VWA8: variants seen among roughly 807,000 people sequenced by gnomAD.
VWA8 encodes the protein von Willebrand factor A domain-containing protein 8.
Under a neutral mutation model 241.5 loss-of-function variants are expected in VWA8, and 221 were observed. That is an observed-to-expected ratio of 0.91 (90% CI 0.82 to 1.02). VWA8 has a LOEUF of 1.02. Ranked by LOEUF, VWA8 falls within the 50% of genes least tolerant of loss-of-function variation. VWA8 has a pLI of 0.00. For synonymous variants in VWA8, 852 were observed against 827.1 expected, an observed-to-expected ratio of 1.03 and a Z score of -0.52; for missense variants, 2,322 against 2,328.7, an observed-to-expected ratio of 1.00 and a Z score of 0.06.
chr13:41,699,539 CATTAAAT>C (rs926150372), intron 28 of VWA8, among the ~76,000 whole-genome samples: 2 of 152,110 alleles, frequency 1.3e-5, no homozygotes, highest in Non-Finnish European at 1.5e-5. Context: ...GTGATAAAAC[CATTAAAT>C]ATTAAACAAT....
At chr13:41,715,133 G>A (rs761994529) in intron 26 of VWA8, among the ~76,000 whole-genome samples, 16 of 151,776 alleles carry the variant, frequency 1.1e-4, no homozygotes, top group Non-Finnish European at 2.1e-4. Context: ...TATGCCATAG[G>A]TCCGTTGGGA....
chr13:41,941,479 A>T (rs1243507699), intron 2 of VWA8, among the ~76,000 whole-genome samples: 1 of 152,226 alleles, frequency 6.6e-6, no homozygotes. Context: ...TCTGAAGGAA[A>T]CTGAAGCTTA....
At position 41,655,481 on chromosome 13, in the gene VWA8, C is replaced by G. The variant is rs1458728249; in HGVS notation, c.4611+15465G>C. ...GATATATAATATATATCCACACATA[C>G]AGAGAGACAGAGAGAGAGAGAGAGA... On this transcript the variant is annotated intron_variant, in intron 37 of 44. Coordinates refer to ENST00000379310, the MANE Select transcript of VWA8 (RefSeq NM_015058.2). 3.0e-5 allele frequency among the ~76,000 whole-genome samples: 3 copies of G among 99,850 alleles called. No homozygotes were observed. In the East Asian group the frequency reaches 8.9e-4, roughly 29 times the overall value. 65.5% of individuals were successfully genotyped at this position (99,850 alleles called of 152,430 possible).
intron 20 of VWA8, among the ~76,000 whole-genome samples, chr13:41,764,034 T>C (rs753745672): frequency 2.0e-5 from 3 of 152,182 alleles, no homozygotes; most frequent in Admixed American, 1.3e-4. Flanking sequence ...ACTTCTTTTC[T>C]AAGCTTCATT....
intron 16 of VWA8, among the ~76,000 whole-genome samples, chr13:41,814,872 C>A (rs1282328415): frequency 6.6e-6 from 1 of 152,074 alleles, no homozygotes; most frequent in African/African-American, 2.4e-5. Context: ...GAAAAAACCC[C>A]TGCAATCCTG....
chr13:41,686,131 G>A (rs1203598975), intron 34 of VWA8, among the ~76,000 whole-genome samples: 2 of 152,092 alleles, frequency 1.3e-5, no homozygotes, highest in African/African-American at 4.8e-5. Flanking sequence ...GCAGGTATCT[G>A]TTTCTGGGCA....
intron 22 of VWA8, 92 bp from the exon 23 acceptor site, chr13:41,729,769 G>A (rs2045466795): frequency 8.4e-7 from 1 of 1,185,074 alleles, no homozygotes; most frequent in Admixed American, 2.3e-5. Context: ...ATAACAGCTG[G>A]CTTTATTTAA....
chr13:41,793,322 G>T (rs1566459691), intron 17 of VWA8, among the ~76,000 whole-genome samples: 1 of 152,038 alleles, frequency 6.6e-6, no homozygotes, highest in Non-Finnish European at 1.5e-5. Context: ...CATTCTTGAG[G>T]TAATTCCAAA....
intron 42 of VWA8, among the ~76,000 whole-genome samples, chr13:41,585,719 C>T (rs1051288356): frequency 3.6e-4 from 54 of 151,922 alleles, no homozygotes; most frequent in African/African-American, 1.2e-3. Context: ...CAAAAATTAG[C>T]CAGGCGTGGT....
At chr13:41,647,133 T>C (rs925851153) in intron 37 of VWA8, among the ~76,000 whole-genome samples, 3 of 152,274 alleles carry the variant, frequency 2.0e-5, no homozygotes, top group African/African-American at 4.8e-5. Context: ...GTAAAGTACA[T>C]CTCTGTTTAT....
At chr13:41,581,975 C>G (rs2044385850) in intron 42 of VWA8, among the ~76,000 whole-genome samples, 1 of 152,174 alleles carries the variant, frequency 6.6e-6, no homozygotes, top group African/African-American at 2.4e-5. Context: ...AAAAACAGTA[C>G]TATTCTACTT....
intron 17 of VWA8, among the ~76,000 whole-genome samples, chr13:41,804,745 A>T (rs1870109887): frequency 6.6e-6 from 1 of 152,210 alleles, no homozygotes; most frequent in Non-Finnish European, 1.5e-5. Flanking sequence ...AGATATAAGC[A>T]GTAACAACAA....
At chr13:41,778,939 T>C (rs1868757747) in intron 19 of VWA8, among the ~76,000 whole-genome samples, 2 of 145,700 alleles carry the variant, frequency 1.4e-5, no homozygotes, top group South Asian at 4.3e-4. Flanking sequence ...CCTCCTGGGT[T>C]AACGCCATTC....
At chr13:41,832,208 C>T (rs780429138) in intron 13 of VWA8, among the ~76,000 whole-genome samples, 3 of 152,032 alleles carry the variant, frequency 2.0e-5, no homozygotes, top group Non-Finnish European at 4.4e-5. Context: ...GGATGATAGG[C>T]GTGAGCCACT....
intron 37 of VWA8, among the ~76,000 whole-genome samples, chr13:41,620,659 A>G (rs1173154740): frequency 6.6e-6 from 1 of 152,124 alleles, no homozygotes; most frequent in Non-Finnish European, 1.5e-5. Context: ...CACAATTTTT[A>G]CAATAGTCCT....
At chr13:41,636,516 C>A (rs552607327) in intron 37 of VWA8, among the ~76,000 whole-genome samples, 3 of 151,894 alleles carry the variant, frequency 2.0e-5, no homozygotes, top group East Asian at 1.9e-4. Context: ...CATAGGCATG[C>A]GCAAGGACTT....
chr13:41,594,549 T>C (rs920175852), intron 40 of VWA8, among the ~76,000 whole-genome samples: 2 of 152,132 alleles, frequency 1.3e-5, no homozygotes, highest in African/African-American at 4.8e-5. Context: ...TTTTGGTGTT[T>C]CTAAAACCAG....
At chr13:41,669,931 A>G (rs1162716106) in intron 37 of VWA8, among the ~76,000 whole-genome samples, 1 of 152,134 alleles carries the variant, frequency 6.6e-6, no homozygotes, top group East Asian at 1.9e-4. Context: ...AATTAAATTA[A>G]TATATTTATA....
At chr13:41,817,966 A>ATT (rs947591878) in intron 15 of VWA8, among the ~76,000 whole-genome samples, 1 of 146,092 alleles carries the variant, frequency 6.8e-6, no homozygotes. Context: ...GAGAAGCGGA[A>ATT]TTTTTTTTTT....
Sources: allele counts gnomAD v4.1 joint callset (sites outside exome capture counted in the v4.1 genomes callset), GRCh38; gene constraint gnomAD v4.1.1; transcripts MANE v1.5; gene names NCBI Gene and HGNC (gene_info 2026-07-23, HGNC 2026-07-21).